Variants in ACSS3 observed in about 807,000 individuals in gnomAD.
The protein encoded by ACSS3 is acyl-CoA synthetase short chain family member 3.
In ACSS3, 64 loss-of-function variants were observed where a neutral mutation model predicts 84.2. The observed-to-expected ratio is 0.76, with a 90% confidence interval of 0.62 to 0.94. The LOEUF (loss-of-function observed/expected upper bound fraction) is 0.94. ACSS3 is among the 40% of genes least tolerant of loss of function. The pLI, the probability that ACSS3 is intolerant of heterozygous loss-of-function variation, is 0.00. For synonymous variants in ACSS3, 317 were observed against 310.1 expected, an observed-to-expected ratio of 1.02 and a Z score of -0.23; for missense variants, 815 against 867.6, an observed-to-expected ratio of 0.94 and a Z score of 0.76.
intron 8 of ACSS3, among the ~76,000 whole-genome samples, chr12:81,183,473 A>C (rs151092718): frequency 6.6e-6 from 1 of 152,276 alleles, no homozygotes; most frequent in East Asian, 1.9e-4. Context: ...TATTAATAAT[A>C]ACTTTGACTG....
At chr12:81,117,516 G>A (rs10862244) in intron 2 of ACSS3, among the ~76,000 whole-genome samples, 47,581 of 151,826 alleles carry the variant, frequency 0.31, 7,714 homozygotes, top group Admixed American at 0.44. Flanking sequence ...AATTGTATTA[G>A]GGCTCTGAAA....
At chr12:81,134,162 A>C (rs550140829) in intron 2 of ACSS3, among the ~76,000 whole-genome samples, 8 of 152,190 alleles carry the variant, frequency 5.3e-5, no homozygotes, top group African/African-American at 1.9e-4. Context: ...CTATAAAGGC[A>C]GTAGAAAGAG....
chr12:81,195,853 A>G (rs2031801808), intron 8 of ACSS3, among the ~76,000 whole-genome samples: 1 of 152,086 alleles, frequency 6.6e-6, no homozygotes. Context: ...TTTGGCATTT[A>G]TTGTGCTAAA....
At chr12:81,105,338 C>A (rs554333498) in intron 1 of ACSS3, among the ~76,000 whole-genome samples, 22 of 151,590 alleles carry the variant, frequency 1.5e-4, no homozygotes, top group Non-Finnish European at 3.1e-4. Context: ...CTTAAAAATA[C>A]AATAATGATA....
At chr12:81,216,595 A>G (rs2032924842) in intron 9 of ACSS3, among the ~76,000 whole-genome samples, 1 of 152,326 alleles carries the variant, frequency 6.6e-6, no homozygotes, top group Non-Finnish European at 1.5e-5. Flanking sequence ...TCCAAGTCAC[A>G]TAATTTTCCA....
At chr12:81,106,273 G>A (rs1882990551) in intron 1 of ACSS3, among the ~76,000 whole-genome samples, 1 of 152,150 alleles carries the variant, frequency 6.6e-6, no homozygotes, top group African/African-American at 2.4e-5. Context: ...AGGAACACAA[G>A]CCATATTGTG....
At chr12:81,213,534 A>G (rs2032677692) in intron 9 of ACSS3, among the ~76,000 whole-genome samples, 1 of 144,910 alleles carries the variant, frequency 6.9e-6, no homozygotes, top group South Asian at 2.2e-4. Context: ...TATTTTCTAC[A>G]AGTCACTAGC....
chr12:81,233,290 A>G, intron 12 of ACSS3, 59 bp from the exon 13 acceptor site: 2 of 1,558,696 alleles, frequency 1.3e-6, no homozygotes. Context: ...ACCAAGTTTA[A>G]AATGATTACA....
intron 2 of ACSS3, among the ~76,000 whole-genome samples, chr12:81,122,399 A>G (rs1884702828): frequency 6.6e-6 from 1 of 152,090 alleles, no homozygotes; most frequent in Admixed American, 6.5e-5. Flanking sequence ...AACAGTAGAA[A>G]TTAATGTTGT....
intron 13 of ACSS3, among the ~76,000 whole-genome samples, chr12:81,241,509 C>T (rs2033802417): frequency 6.6e-6 from 1 of 152,130 alleles, no homozygotes; most frequent in Non-Finnish European, 1.5e-5. Flanking sequence ...TGTTTCCTGA[C>T]TTTTTAGTGA....
At chr12:81,084,753 A>T (rs1881207035) in intron 1 of ACSS3, among the ~76,000 whole-genome samples, 1 of 152,240 alleles carries the variant, frequency 6.6e-6, no homozygotes, top group African/African-American at 2.4e-5. Flanking sequence ...TGCATTGTAA[A>T]GGAGAGAAAA....
intron 5 of ACSS3, among the ~76,000 whole-genome samples, chr12:81,143,727 G>A (rs1392475666): frequency 6.6e-6 from 1 of 151,980 alleles, no homozygotes; most frequent in Non-Finnish European, 1.5e-5. Flanking sequence ...TTTGAGAATT[G>A]GCCTAGGCAG....
At chr12:81,132,888 G>A (rs559699507) in intron 2 of ACSS3, among the ~76,000 whole-genome samples, 2 of 152,098 alleles carry the variant, frequency 1.3e-5, no homozygotes, top group Non-Finnish European at 2.9e-5. Context: ...CTAGTAATGT[G>A]ATAATGAAGC....
intron 2 of ACSS3, among the ~76,000 whole-genome samples, chr12:81,114,460 C>T (rs1198176645): frequency 1.3e-5 from 2 of 152,016 alleles, no homozygotes; most frequent in Non-Finnish European, 2.9e-5. Flanking sequence ...TTTCATCTGT[C>T]ATATCAGTAT....
At chr12:81,104,397 A>C (rs1313243621) in intron 1 of ACSS3, among the ~76,000 whole-genome samples, 1 of 152,162 alleles carries the variant, frequency 6.6e-6, no homozygotes, top group Non-Finnish European at 1.5e-5. Flanking sequence ...ACTCCAGAAA[A>C]ATAGTGTGGC....
At chr12:81,090,074 G>A (rs1488223364) in intron 1 of ACSS3, among the ~76,000 whole-genome samples, 2 of 151,972 alleles carry the variant, frequency 1.3e-5, no homozygotes, top group East Asian at 1.9e-4. Context: ...AATGTTAATC[G>A]GGATTTAACT....
At chr12:81,236,365 T>C (rs1262255721) in intron 13 of ACSS3, among the ~76,000 whole-genome samples, 2 of 151,516 alleles carry the variant, frequency 1.3e-5, no homozygotes, top group Non-Finnish European at 3.0e-5. Flanking sequence ...TTAATAATTA[T>C]TGTTATTATT....
At chr12:81,110,745 A>C (rs1000967752) in intron 2 of ACSS3, among the ~76,000 whole-genome samples, 2 of 152,138 alleles carry the variant, frequency 1.3e-5, no homozygotes, top group African/African-American at 4.8e-5. Flanking sequence ...CACATAGCTA[A>C]TGTCTGCTGA....
chr12:81,199,106 G>A (rs553565662), intron 8 of ACSS3, among the ~76,000 whole-genome samples: 3 of 152,230 alleles, frequency 2.0e-5, no homozygotes, highest in South Asian at 2.1e-4. Context: ...AAACTGAAAA[G>A]CACTAGCTGT....
Sources: gnomAD v4.1 joint callset for allele counts (sites outside exome capture counted in the v4.1 genomes callset) on GRCh38, gnomAD v4.1.1 for gene constraint, MANE v1.5 for transcripts, NCBI Gene and HGNC (gene_info 2026-07-23, HGNC 2026-07-21) for gene names.